Variants in PCDH15 observed in about 807,000 individuals in gnomAD.
PCDH15 encodes protocadherin related 15, also known as protocadherin-15.
In PCDH15, 129 loss-of-function variants were observed where a neutral mutation model predicts 178.5. That is an observed-to-expected ratio of 0.72 (90% CI 0.63 to 0.84). PCDH15 has a LOEUF of 0.84. Among genes scored for constraint, PCDH15 ranks in the 40% least tolerant of loss-of-function variants. PCDH15 has a pLI of 0.00. For missense variants in PCDH15, 2,230 were observed against 2,099.9 expected, an observed-to-expected ratio of 1.06 and a Z score of -1.21; for synonymous variants, 800 against 732.0, an observed-to-expected ratio of 1.09 and a Z score of -1.50.
intron 3 of PCDH15, among the ~76,000 whole-genome samples, chr10:54,423,482 T>C (rs1285345192): frequency 6.6e-6 from 1 of 151,762 alleles, no homozygotes; most frequent in Non-Finnish European, 1.5e-5. Flanking sequence ...AAGAGTTGGA[T>C]TGGAGTGGGT....
At chr10:54,889,831 C>T (rs1332215876) in intron 3 of PCDH15, among the ~76,000 whole-genome samples, 5 of 151,478 alleles carry the variant, frequency 3.3e-5, no homozygotes, top group African/African-American at 9.7e-5. Flanking sequence ...TTTTATTGTG[C>T]GAATAACCCT....
intron 37 of PCDH15, chr10:53,808,981 A>G: frequency 1.3e-6 from 2 of 1,561,402 alleles, no homozygotes; most frequent in Non-Finnish European, 1.7e-6. Context: ...TTCTTCTTCC[A>G]TCTTAGGTTC....
intron 3 of PCDH15, among the ~76,000 whole-genome samples, chr10:54,834,680 T>TA (rs1279465955): frequency 6.6e-6 from 1 of 152,226 alleles, no homozygotes; most frequent in Admixed American, 6.5e-5. Context: ...AAACACTCTA[T>TA]ACTATAGATT....
chr10:54,616,859 G>A (rs77311192), intron 2 of PCDH15, among the ~76,000 whole-genome samples: 5,103 of 151,782 alleles, frequency 0.034, 252 homozygotes, highest in African/African-American at 0.11. Context: ...TTGGATGCCC[G>A]CTTTTACAAT....
At chr10:54,171,654 A>G (rs1045519245) in intron 13 of PCDH15, among the ~76,000 whole-genome samples, 14 of 152,046 alleles carry the variant, frequency 9.2e-5, no homozygotes, top group Non-Finnish European at 2.1e-4. Context: ...TCTTGAAGTA[A>G]ATAAATAATC....
intron 18 of PCDH15, 39 bp downstream of exon 18, chr10:54,066,718 A>T: frequency 6.3e-7 from 1 of 1,598,552 alleles, no homozygotes; most frequent in East Asian, 2.2e-5. Flanking sequence ...ACACTCTTTG[A>T]AAAACTACAT....
intron 2 of PCDH15, among the ~76,000 whole-genome samples, chr10:55,086,719 T>A (rs563152016): frequency 6.6e-6 from 1 of 152,162 alleles, no homozygotes; most frequent in Non-Finnish European, 1.5e-5. Context: ...TGACACACAG[T>A]CAATTTCCTG....
intron 2 of PCDH15, among the ~76,000 whole-genome samples, chr10:54,589,424 T>C (rs964140142): frequency 2.0e-5 from 3 of 152,216 alleles, no homozygotes; most frequent in Non-Finnish European, 4.4e-5. Context: ...GTTCCAGTTT[T>C]CCTATACTCT....
intron 13 of PCDH15, among the ~76,000 whole-genome samples, chr10:54,164,340 A>G (rs2045998644): frequency 6.6e-6 from 1 of 152,190 alleles, no homozygotes; most frequent in Admixed American, 6.5e-5. Flanking sequence ...TTTTAAATTC[A>G]TTTATGTAGT....
intron 2 of PCDH15, among the ~76,000 whole-genome samples, chr10:55,527,806 C>T (rs1045903564): frequency 1.3e-5 from 2 of 151,844 alleles, no homozygotes; most frequent in African/African-American, 4.8e-5. Context: ...TAAAGTGCAT[C>T]CATTATTAAA....
chr10:55,545,810 T>G (rs1221272589), intron 2 of PCDH15, among the ~76,000 whole-genome samples: 1 of 151,586 alleles, frequency 6.6e-6, no homozygotes, highest in African/African-American at 2.4e-5. Context: ...TTAAAAATAT[T>G]TTTTTTTCAG....
intron 2 of PCDH15, among the ~76,000 whole-genome samples, chr10:55,604,553 C>T (rs1343720672): frequency 1.4e-5 from 2 of 142,116 alleles, no homozygotes; most frequent in Non-Finnish European, 3.1e-5. Flanking sequence ...ATCTCTCAGA[C>T]CACAGTGCAA....
chr10:55,216,947 T>C (rs1486401287), intron 1 of PCDH15, among the ~76,000 whole-genome samples: 1 of 151,946 alleles, frequency 6.6e-6, no homozygotes, highest in Non-Finnish European at 1.5e-5. Flanking sequence ...ACTCTTTCTG[T>C]GAATTCTACA....
At chr10:54,755,751 T>C (rs984774303) in intron 1 of PCDH15, among the ~76,000 whole-genome samples, 1 of 152,118 alleles carries the variant, frequency 6.6e-6, no homozygotes, top group Admixed American at 6.6e-5. Context: ...ATCTACTGTA[T>C]AAGATTAATA....
intron 1 of PCDH15, among the ~76,000 whole-genome samples, chr10:54,731,565 C>T (rs11004512): frequency 0.041 from 1,503 of 36,224 alleles, 54 homozygotes; most frequent in African/African-American, 0.11. Flanking sequence ...TATATATATA[C>T]ACACACACAC....
chr10:54,611,135 A>G (rs1424606507), intron 2 of PCDH15, among the ~76,000 whole-genome samples: 1 of 151,894 alleles, frequency 6.6e-6, no homozygotes, highest in Non-Finnish European at 1.5e-5. Context: ...TTACAATTGA[A>G]AAGATTTTAA....
chr10:53,817,939 T>C, intron 34 of PCDH15, 56 bp downstream of exon 34: 1 of 398,618 alleles, frequency 2.5e-6, no homozygotes, highest in Non-Finnish European at 4.4e-6. Flanking sequence ...TCTTGCCTAT[T>C]ACACAAGTAT....
At chr10:53,840,528 T>C (rs2132763807) in intron 28 of PCDH15, 32 bp from the exon 29 acceptor site, 2 of 1,586,962 alleles carry the variant, frequency 1.3e-6, no homozygotes, top group African/African-American at 1.3e-5. Context: ...AACATGACAG[T>C]CCAATGGGCT....
At chr10:53,932,715 G>T (rs2085180985) in intron 25 of PCDH15, among the ~76,000 whole-genome samples, 1 of 152,176 alleles carries the variant, frequency 6.6e-6, no homozygotes, top group Non-Finnish European at 1.5e-5. Context: ...GAGTAATGGT[G>T]TTCAGAGTGT....
Sources: allele counts gnomAD v4.1 joint callset (sites outside exome capture counted in the v4.1 genomes callset), GRCh38; gene constraint gnomAD v4.1.1; transcripts MANE v1.5; gene names NCBI Gene and HGNC (gene_info 2026-07-23, HGNC 2026-07-21).